NTM: variants seen among roughly 807,000 people sequenced by gnomAD.
NTM encodes the protein IgLON family member 2.
NTM carries 13 observed loss-of-function variants against 42.1 expected under a neutral mutation model. That is an observed-to-expected ratio of 0.31 (90% CI 0.20 to 0.49). The LOEUF (loss-of-function observed/expected upper bound fraction) is 0.49. NTM is among the 20% of genes least tolerant of loss of function. NTM has a pLI of 0.99. For synonymous variants in NTM, 187 were observed against 179.2 expected (o/e 1.04, Z -0.35); for missense variants, 373 against 452.8 (o/e 0.82, Z 1.60).
At chr11:131,373,102 A>T (rs1941443704) in intron 1 of NTM, among the ~76,000 whole-genome samples, 1 of 152,038 alleles carries the variant, frequency 6.6e-6, no homozygotes, top group South Asian at 2.1e-4. Flanking sequence ...ACGCAGAACG[A>T]CCCCCAAAGA....
chr11:131,739,936 C>A (rs533450353), intron 1 of NTM, among the ~76,000 whole-genome samples: 1 of 152,190 alleles, frequency 6.6e-6, no homozygotes, highest in Non-Finnish European at 1.5e-5. Context: ...GGGAGCTAAA[C>A]GCACAGTCTC....
intron 1 of NTM, among the ~76,000 whole-genome samples, chr11:131,585,560 G>C (rs1031211205): frequency 6.6e-6 from 1 of 152,226 alleles, no homozygotes; most frequent in Non-Finnish European, 1.5e-5. Flanking sequence ...ACAGTTGTGA[G>C]TGCAGACGGT....
intron 1 of NTM, among the ~76,000 whole-genome samples, chr11:131,496,372 AC>A (rs1305488268): frequency 4.6e-5 from 7 of 152,314 alleles, no homozygotes; most frequent in Admixed American, 4.6e-4. Flanking sequence ...ACTTCTGCAA[AC>A]CCTACCTTTC....
At chr11:132,293,644 C>T (rs1176137447) in intron 4 of NTM, among the ~76,000 whole-genome samples, 2 of 151,814 alleles carry the variant, frequency 1.3e-5, no homozygotes, top group Non-Finnish European at 2.9e-5. Flanking sequence ...ATTCAGCCTG[C>T]AGCCTCTTTT....
intron 1 of NTM, among the ~76,000 whole-genome samples, chr11:131,804,638 ATCT>A (rs1437182477): frequency 6.6e-6 from 1 of 152,144 alleles, no homozygotes; most frequent in Admixed American, 6.5e-5. Flanking sequence ...CCTCTGCAAC[ATCT>A]TCTCTCAGCC....
intron 2 of NTM, among the ~76,000 whole-genome samples, chr11:132,010,123 C>T (rs991657985): frequency 6.6e-5 from 10 of 152,342 alleles, no homozygotes; most frequent in East Asian, 3.9e-4. Flanking sequence ...CTCACCACGG[C>T]TGTTCATGTA....
chr11:131,728,266 C>T (rs1506666), intron 1 of NTM, among the ~76,000 whole-genome samples: 19,970 of 152,212 alleles, frequency 0.13, 1,677 homozygotes, highest in South Asian at 0.22. Context: ...TTCTAATGCC[C>T]GTGGCAAGCC....
chr11:131,554,022 T>C lies in NTM; in HGVS notation c.82+183134T>C, dbSNP rs547527974. 7.2e-5 allele frequency among the ~76,000 whole-genome samples: 11 copies of C among 152,352 alleles called. No homozygotes were observed. In the East Asian group the frequency reaches 2.1e-3, roughly 29 times the overall value. On this transcript the variant is annotated intron_variant, in intron 1 of 8. Coordinates refer to ENST00000683400, the MANE Select transcript of NTM (RefSeq NM_001352005.2). The stretch of plus-strand genomic sequence containing the variant: ...GTCAATCCCACTCATTTATCAACTG[T>C]TCAAGGACCAGATCAAATGAATCTT...
chr11:132,071,201 TAACAC>T (rs1278260311), intron 2 of NTM, among the ~76,000 whole-genome samples: 25 of 139,046 alleles, frequency 1.8e-4, no homozygotes, highest in African/African-American at 5.8e-4. Context: ...ACAGCCAAGT[TAACAC>T]GTCACACTGA....
intron 1 of NTM, among the ~76,000 whole-genome samples, chr11:131,507,290 C>T (rs966831139): frequency 3.3e-5 from 5 of 151,786 alleles, no homozygotes; most frequent in African/African-American, 1.2e-4. Flanking sequence ...GCCAGTTTTC[C>T]CAGCACCATT....
chr11:132,144,181 G>C (rs1188764308), intron 2 of NTM, among the ~76,000 whole-genome samples: 1 of 152,110 alleles, frequency 6.6e-6, no homozygotes, highest in African/African-American at 2.4e-5. Flanking sequence ...ACCCTAATGT[G>C]CACAAAACTC....
intron 1 of NTM, among the ~76,000 whole-genome samples, chr11:131,525,691 G>A (rs2050378621): frequency 6.6e-6 from 1 of 152,194 alleles, no homozygotes; most frequent in African/African-American, 2.4e-5. Flanking sequence ...GGGGCATGAG[G>A]TAATGGGAAG....
chr11:131,420,297 A>G (rs1393824369), intron 1 of NTM, among the ~76,000 whole-genome samples: 1 of 152,142 alleles, frequency 6.6e-6, no homozygotes, highest in Non-Finnish European at 1.5e-5. Flanking sequence ...AAGAGGTTGG[A>G]CAGCTGCTAT....
intron 7 of NTM, among the ~76,000 whole-genome samples, chr11:132,327,466 G>A (rs2095708013): frequency 6.6e-6 from 1 of 152,184 alleles, no homozygotes; most frequent in Admixed American, 6.5e-5. Context: ...AGTTAATTAG[G>A]CCAAGTCATC....
At chr11:131,729,678 TAATC>T (rs2079394989) in intron 1 of NTM, among the ~76,000 whole-genome samples, 1 of 152,224 alleles carries the variant, frequency 6.6e-6, no homozygotes, top group African/African-American at 2.4e-5. Flanking sequence ...AATATGAAAT[TAATC>T]AATATGTGGC....
Position 132,111,904 on chromosome 11 carries a change from G to T in NTM, c.168-34378G>T, listed in dbSNP as rs905484018. 6.6e-5 allele frequency among the ~76,000 whole-genome samples: 10 copies of T among 152,376 alleles called. No individual in the cohort carries two copies. The South Asian group carries it at 1.0e-3, about 16-fold the overall frequency. Reference sequence around the variant, plus strand: ...TCTGGCGAGGTTGTCAGTGATTCGTGCTTGAGGCAGAAGGAAACCAGTTTG... The same window carrying T: ...TCTGGCGAGGTTGTCAGTGATTCGTTCTTGAGGCAGAAGGAAACCAGTTTG... On this transcript the variant is annotated intron_variant, in intron 2 of 8. Coordinates refer to ENST00000683400, the MANE Select transcript of NTM (RefSeq NM_001352005.2).
chr11:132,270,225 A>G (rs951987101), intron 4 of NTM, among the ~76,000 whole-genome samples: 3 of 151,896 alleles, frequency 2.0e-5, no homozygotes, highest in Non-Finnish European at 2.9e-5. Flanking sequence ...CATATATTTT[A>G]TTTTTTATTA....
chr11:132,317,721 TC>T (rs2095468189), intron 7 of NTM: 1 of 1,278,618 alleles, frequency 7.8e-7, no homozygotes. Context: ...ATGTTTTGTC[TC>T]CCCTTCCCTC....
At chr11:131,617,430 A>C (rs942470844) in intron 1 of NTM, among the ~76,000 whole-genome samples, 13 of 152,218 alleles carry the variant, frequency 8.5e-5, no homozygotes, top group East Asian at 3.8e-4. Context: ...TAACAGACCC[A>C]AAAACAGCAA....
Sources: gnomAD v4.1 joint callset for allele counts (sites outside exome capture counted in the v4.1 genomes callset) on GRCh38, gnomAD v4.1.1 for gene constraint, MANE v1.5 for transcripts, NCBI Gene and HGNC (gene_info 2026-07-23, HGNC 2026-07-21) for gene names.